Variants in DBT observed in about 807,000 individuals in gnomAD.
DBT encodes the protein lipoamide acyltransferase component of branched-chain alpha-keto acid dehydrogenase complex, mitochondrial.
Under a neutral mutation model 51.3 loss-of-function variants are expected in DBT, and 40 were observed. The observed-to-expected ratio is 0.78, with a 90% CI of 0.61 to 1.02. The LOEUF is 1.02. Ranked by LOEUF, DBT falls within the 50% of genes least tolerant of loss-of-function variation. DBT has a pLI of 0.00. For missense variants in DBT, 510 were observed against 580.2 expected, an observed-to-expected ratio of 0.88 and a Z score of 1.24; for synonymous variants, 181 against 190.4, an observed-to-expected ratio of 0.95 and a Z score of 0.41.
intron 8 of DBT, among the ~76,000 whole-genome samples, chr1:100,209,573 C>CT (rs1662007385): frequency 1.3e-5 from 2 of 151,424 alleles, no homozygotes; most frequent in East Asian, 3.9e-4. Context: ...TTTTAATTCT[C>CT]TTTTTGAAAT....
At chr1:100,213,446 C>T (rs1049545768) in intron 7 of DBT, 41 of 1,569,672 alleles carry the variant, frequency 2.6e-5, no homozygotes, top group Non-Finnish European at 3.4e-5. Flanking sequence ...GACACCCACC[C>T]ACCATCCCAG....
rs762544892 is a variant in DBT, at chr1:100,249,729, A to C, written c.51+41T>G. On this transcript the variant is annotated intron_variant, in intron 1 of 10. Coordinates refer to ENST00000370132, the MANE Select transcript of DBT (RefSeq NM_001918.5). ...ACCACTCCTGGATGACTCCGGACAA[A>C]TCACTCCTTCCCGGCCTCAGATCTG... The C allele has an allele frequency of 2.5e-6, 4 of 1,603,996 alleles. No homozygotes were observed. In the East Asian group the frequency reaches 8.9e-5, roughly 36 times the overall value.
intron 4 of DBT, among the ~76,000 whole-genome samples, chr1:100,226,472 A>G (rs1467228382): frequency 6.6e-6 from 1 of 151,468 alleles, no homozygotes; most frequent in Non-Finnish European, 1.5e-5. Flanking sequence ...TTTTGTAGAG[A>G]TGGGGTCTCG....
chr1:100,249,158 G>A (rs1664755956), intron 1 of DBT: 17 of 906,668 alleles, frequency 1.9e-5, no homozygotes, highest in Non-Finnish European at 2.3e-5. Flanking sequence ...TTACCGGTAT[G>A]TGTCAGTGCT....
chr1:100,202,300 T>TA (rs538987415), intron 10 of DBT, among the ~76,000 whole-genome samples: 44 of 151,388 alleles, frequency 2.9e-4, no homozygotes, highest in African/African-American at 7.0e-4. Flanking sequence ...CCAACAAAGA[T>TA]AAAAAAAAGA....
rs2100827179 is a variant in DBT at position 100,230,739 on chromosome 1, A to G, written c.427T>C (p.Leu143=). 6.2e-7 allele frequency: 1 copy of G among 1,605,826 alleles called. No homozygotes were observed. Residue 143 remains leucine (L), a synonymous_variant, in exon 4 of 11, where the codon TTA becomes CTA. Coordinates refer to ENST00000370132, the MANE Select transcript of DBT (RefSeq NM_001918.5). ...ATTAACAGACTTACAATACCTTTTAAAGCTTCCGTTTCTATGTCTACTAAT... is the reference window on the plus strand; with the variant it reads ...ATTAACAGACTTACAATACCTTTTAGAGCTTCCGTTTCTATGTCTACTAAT... ...KPLVDIETEA[L]KDSEEDVVET...
intron 1 of DBT, among the ~76,000 whole-genome samples, chr1:100,244,131 T>C (rs1405751742): frequency 6.7e-6 from 1 of 149,640 alleles, no homozygotes; most frequent in Admixed American, 6.7e-5. Context: ...CACGTTAGTG[T>C]GACCTGGGAA....
intron 3 of DBT, 124 bp from the exon 4 acceptor site, chr1:100,231,038 T>C: frequency 3.0e-6 from 2 of 670,812 alleles, no homozygotes; most frequent in Admixed American, 4.6e-5. Context: ...TTTCAGATGG[T>C]GTACTAAGCA....
chr1:100,214,490 C>A (rs367568904), intron 7 of DBT, among the ~76,000 whole-genome samples: 8 of 152,146 alleles, frequency 5.3e-5, no homozygotes, highest in African/African-American at 1.4e-4. Flanking sequence ...TGGTGGCTCA[C>A]GCCTGGAATT....
rs1660656324 is a variant in DBT, at chr1:100,188,187, A to T, written c.*8068T>A. ...AGTTGTTAGCGTAGTGGCTCGGCTC[A>T]TCAGCTCTGAGCATTTGAATATCTA... is the stretch of plus-strand genomic sequence containing the variant. On this transcript the variant is annotated 3_prime_UTR_variant, in exon 11 of 11. Coordinates refer to ENST00000370132, the MANE Select transcript of DBT (RefSeq NM_001918.5). 1 of 152,216 alleles carries T rather than the reference A, an allele frequency of 6.6e-6. No homozygotes were observed. The highest frequency in any genetic ancestry group is 2.1e-4 in the South Asian group (1 of 4,826). The allele number at this position is 152,216 out of a possible 1,614,324, so 9.4% of individuals were successfully genotyped here. A position where few individuals can be genotyped will look rare whatever the true frequency, so the allele number is the denominator to read the frequency against.
chr1:100,203,912 T>C lies in DBT; in HGVS notation c.1281+2318A>G, dbSNP rs146119668. 3.9e-5 allele frequency among the ~76,000 whole-genome samples: 6 copies of C among 152,294 alleles called. No homozygotes were observed. In the East Asian group the frequency reaches 1.2e-3, roughly 29 times the overall value. On this transcript the variant is annotated intron_variant, in intron 10 of 10. Transcript: ENST00000370132. ...GATAAAATTTAACACCCCTTCATGC[T>C]AAAAACACTCAATAAATTAGGTATT...
intron 10 of DBT, among the ~76,000 whole-genome samples, chr1:100,201,716 ACT>A (rs1187286465): frequency 3.9e-5 from 6 of 152,164 alleles, no homozygotes. Context: ...CTCGGCAGAA[ACT>A]CTACAAGCCA....
chr1:100,201,980 T>C (rs1261696975), intron 10 of DBT, among the ~76,000 whole-genome samples: 1 of 152,180 alleles, frequency 6.6e-6, no homozygotes. Context: ...ATCGACACTA[T>C]GAAGAAACTG....
At chr1:100,225,961 T>C (rs1663175194) in intron 4 of DBT, among the ~76,000 whole-genome samples, 1 of 151,946 alleles carries the variant, frequency 6.6e-6, no homozygotes, top group Non-Finnish European at 1.5e-5. Flanking sequence ...ATCGTGCCAC[T>C]CTAGCTTGTA....
Position 100,198,006 on chromosome 1 carries a change from T to C in DBT, c.1282-1584A>G, listed in dbSNP as rs144964354. On this transcript the variant is annotated intron_variant, in intron 10 of 10. Transcript: ENST00000370132. ...CTTCATGGCTTGAAAAAACCATGGA[T>C]AAAATGATTCTGTAAAATATATCTA... Among the ~76,000 whole-genome samples, 192 of 152,280 alleles carry C rather than the reference T, an allele frequency of 1.3e-3. 2 individuals are homozygous for C. The South Asian group carries it at 0.013, about 10-fold the overall frequency.
At chr1:100,210,894 C>G (rs1662102086) in intron 7 of DBT, 123 bp from the exon 8 acceptor site, 1 of 1,550,996 alleles carries the variant, frequency 6.4e-7, no homozygotes, top group African/African-American at 1.4e-5. Context: ...AGTTTAATTT[C>G]AAGTCTACAT....
Position 100,196,130 on chromosome 1 carries a change from T to C in DBT, c.*125A>G, listed in dbSNP as rs775869339. ...TAGAACAGTGACAAATATTGTGCCT[T>C]AGATCCTTAATCATACGATACAAAT... On this transcript the variant is annotated 3_prime_UTR_variant, in exon 11 of 11. Transcript: ENST00000370132. 24 of 873,480 alleles carry C rather than the reference T, an allele frequency of 2.7e-5. No homozygotes were observed. Among genetic ancestry groups the C allele is most frequent in the Non-Finnish European group, 4.3e-5 (23 of 532,794 alleles). 54.1% of individuals were successfully genotyped at this position (873,480 alleles called of 1,614,324 possible). A position where few individuals can be genotyped will look rare whatever the true frequency, so the allele number is the denominator to read the frequency against.
chr1:100,195,532 C>T lies in DBT; in HGVS notation c.*723G>A, dbSNP rs537053030. On this transcript the variant is annotated 3_prime_UTR_variant, in exon 11 of 11. Transcript: ENST00000370132. ...TTTCATACAACAATTAGCATAATAA[C>T]GGAAATGGAAAATATTTTTGTATAT... 1.8e-4 allele frequency: 28 copies of T among 151,952 alleles called. No homozygotes were observed. Among genetic ancestry groups the T allele is most frequent in the Admixed American group, 5.9e-4 (9 of 15,280 alleles). The allele number at this position is 151,952 out of a possible 1,614,324, so 9.4% of individuals were successfully genotyped here.
At position 100,245,598 on chromosome 1, in the gene DBT, C is replaced by T. The variant is rs550322425; in HGVS notation, c.51+4172G>A. Reference sequence around the variant, plus strand: ...TCTCAAATACATCCTGGTTGAACAACTATACGTGTAGTCTAAGTCTTAATG... The same window carrying T: ...TCTCAAATACATCCTGGTTGAACAATTATACGTGTAGTCTAAGTCTTAATG... On this transcript the variant is annotated intron_variant, in intron 1 of 10. Transcript: ENST00000370132. 2.4e-4 allele frequency among the ~76,000 whole-genome samples: 37 copies of T among 152,270 alleles called. No homozygotes were observed. The South Asian group carries it at 6.8e-3, about 28-fold the overall frequency.
Sources: gnomAD v4.1 joint callset for allele counts (sites outside exome capture counted in the v4.1 genomes callset) on GRCh38, gnomAD v4.1.1 for gene constraint, MANE v1.5 for transcripts, NCBI Gene and HGNC (gene_info 2026-07-23, HGNC 2026-07-21) for gene names.